ANK3: variants seen among roughly 807,000 people sequenced by gnomAD.
ANK3 encodes the protein ankyrin 3.
In ANK3, 57 loss-of-function variants were observed where a neutral mutation model predicts 370.9. That is an observed-to-expected ratio of 0.15 (90% confidence interval 0.12 to 0.19). The LOEUF (loss-of-function observed/expected upper bound fraction) is 0.19, where lower values mean the gene tolerates loss of function less well. Ranked by LOEUF, ANK3 falls within the 10% of genes least tolerant of loss-of-function variation. The pLI is 1.00. For missense variants in ANK3, 4,439 were observed against 5,302.1 expected, an observed-to-expected ratio of 0.84 and a Z score of 5.06; for synonymous variants, 1,929 against 1,946.3, an observed-to-expected ratio of 0.99 and a Z score of 0.23.
chr10:60,546,614 CTATT>C (rs1371813596), intron 2 of ANK3, among the ~76,000 whole-genome samples: 1 of 152,144 alleles, frequency 6.6e-6, no homozygotes, highest in Non-Finnish European at 1.5e-5. Flanking sequence ...TTCAACTGCT[CTATT>C]TATTCCTGCA....
At chr10:60,685,468 G>T (rs923333457) in intron 1 of ANK3, among the ~76,000 whole-genome samples, 1 of 152,008 alleles carries the variant, frequency 6.6e-6, no homozygotes, top group African/African-American at 2.4e-5. Context: ...TAAAGTTCTG[G>T]ACTAAGAATG....
chr10:60,127,992 C>T (rs879756783), intron 25 of ANK3, among the ~76,000 whole-genome samples: 6 of 152,002 alleles, frequency 3.9e-5, no homozygotes, highest in South Asian at 2.1e-4. Flanking sequence ...CCACCGCGCC[C>T]GGCCAGTTCT....
intron 7 of ANK3, among the ~76,000 whole-genome samples, chr10:60,253,602 T>C (rs1325999722): frequency 3.9e-5 from 6 of 152,218 alleles, no homozygotes. Flanking sequence ...CTCCATTCTG[T>C]CACCTTACAA....
intron 1 of ANK3, among the ~76,000 whole-genome samples, chr10:60,295,822 A>G (rs1593227932): frequency 6.6e-6 from 1 of 152,208 alleles, no homozygotes; most frequent in African/African-American, 2.4e-5. Flanking sequence ...CTAACTTAAA[A>G]TATTTATCTT....
chr10:60,665,655 C>A (rs891739116), intron 1 of ANK3, among the ~76,000 whole-genome samples: 5 of 152,126 alleles, frequency 3.3e-5, no homozygotes, highest in Non-Finnish European at 5.9e-5. Context: ...AATAGCAATT[C>A]TATTAAGTGT....
chr10:60,686,196 A>G (rs1220173921), intron 1 of ANK3, among the ~76,000 whole-genome samples: 1 of 152,182 alleles, frequency 6.6e-6, no homozygotes, highest in African/African-American at 2.4e-5. Flanking sequence ...GGTAAAATAC[A>G]AAGAGCCTTA....
rs762351104 is a variant in ANK3, at chr10:60,073,219, G to A, written c.7662C>T (p.Ala2554=). 6.2e-7 allele frequency: 1 copy of A among 1,614,008 alleles called. No homozygotes were observed. The highest frequency in any genetic ancestry group is 8.5e-7 in the Non-Finnish European group (1 of 1,180,004). ...YSGNVSSPKH[A]MWMRFTEDRL... Reference sequence around the variant, plus strand: ...TGTCCTCAGTAAAGCGCATCCACATGGCATGTTTTGGACTACTAACATTGC... The same window carrying A: ...TGTCCTCAGTAAAGCGCATCCACATAGCATGTTTTGGACTACTAACATTGC... Residue 2554 remains alanine (A), a synonymous_variant, in exon 37 of 44, where the codon GCC becomes GCT. Coordinates refer to ENST00000280772, the MANE Select transcript of ANK3 (RefSeq NM_020987.5).
intron 2 of ANK3, among the ~76,000 whole-genome samples, chr10:60,529,489 A>G (rs1181459692): frequency 6.6e-6 from 1 of 152,164 alleles, no homozygotes; most frequent in Non-Finnish European, 1.5e-5. Flanking sequence ...GATTGATTAT[A>G]TATGGACATG....
chr10:60,650,781 G>A (rs1354217628), intron 1 of ANK3, among the ~76,000 whole-genome samples: 1 of 152,152 alleles, frequency 6.6e-6, no homozygotes, highest in African/African-American at 2.4e-5. Context: ...GTCATGAAAG[G>A]TCAAAAATAT....
chr10:60,709,021 G>C (rs996602572), intron 1 of ANK3, among the ~76,000 whole-genome samples: 1 of 151,978 alleles, frequency 6.6e-6, no homozygotes, highest in Admixed American at 6.6e-5. Flanking sequence ...CACAATAAAG[G>C]CCTATTGATT....
At chr10:60,064,796 G>A (rs561512493) in intron 38 of ANK3, among the ~76,000 whole-genome samples, 1 of 152,202 alleles carries the variant, frequency 6.6e-6, no homozygotes, top group African/African-American at 2.4e-5. Flanking sequence ...CAGGAGGCAG[G>A]GGGTGCAGTG....
intron 1 of ANK3, among the ~76,000 whole-genome samples, chr10:60,367,374 C>T (rs2059530384): frequency 6.6e-6 from 1 of 152,212 alleles, no homozygotes; most frequent in South Asian, 2.1e-4. Flanking sequence ...TTTACAATTA[C>T]CTTCTTAACT....
At chr10:60,052,990 C>T (rs2131902127) in intron 42 of ANK3, among the ~76,000 whole-genome samples, 1 of 152,280 alleles carries the variant, frequency 6.6e-6, no homozygotes, top group Non-Finnish European at 1.5e-5. Context: ...TCAGCCTTGA[C>T]TTTACAGGAA....
chr10:60,606,660 T>G (rs1166100533), intron 2 of ANK3, among the ~76,000 whole-genome samples: 1 of 152,128 alleles, frequency 6.6e-6, no homozygotes, highest in African/African-American at 2.4e-5. Context: ...TAATAAGGTA[T>G]CCTGGTAGGA....
chr10:60,531,641 T>A (rs1381545692), intron 2 of ANK3, among the ~76,000 whole-genome samples: 2 of 152,022 alleles, frequency 1.3e-5, no homozygotes, highest in African/African-American at 2.4e-5. Flanking sequence ...TGTGAATATA[T>A]CAGCTATTTC....
At chr10:60,331,963 TC>T (rs1305097178) in intron 1 of ANK3, among the ~76,000 whole-genome samples, 1 of 148,202 alleles carries the variant, frequency 6.7e-6, no homozygotes, top group East Asian at 2.1e-4. Context: ...CATCTTTTTT[TC>T]TTTTTTTTTT....
chr10:60,523,708 G>A (rs1177753880), intron 2 of ANK3, among the ~76,000 whole-genome samples: 6 of 152,016 alleles, frequency 3.9e-5, no homozygotes, highest in African/African-American at 1.4e-4. Flanking sequence ...ACATACGTGT[G>A]CATGTGTCTT....
chr10:60,671,519 G>A lies in ANK3; in HGVS notation c.58-56295C>T, dbSNP rs143569792. ...GTTTGTCATAGCACTTTTTGCCTTT[G>A]TAAATCTTTTTTGTTATTGAACTTA... On this transcript the variant is annotated intron_variant, in intron 1 of 43. Transcript: ENST00000373827. 4.5e-3 allele frequency among the ~76,000 whole-genome samples: 687 copies of A among 152,256 alleles called. 10 individuals carry two copies. Among genetic ancestry groups the A allele is most frequent in the Admixed American group, 0.027 (407 of 15,286 alleles).
chr10:60,684,450 C>A, intron 1 of ANK3: 1 of 1,049,426 alleles, frequency 9.5e-7, no homozygotes, highest in Non-Finnish European at 1.4e-6. Context: ...GAAGAGAAGT[C>A]CTAAGGCAAG....
Sources: allele counts gnomAD v4.1 joint callset (sites outside exome capture counted in the v4.1 genomes callset), GRCh38; gene constraint gnomAD v4.1.1; transcripts MANE v1.5; gene names NCBI Gene and HGNC (gene_info 2026-07-23, HGNC 2026-07-21).